PRSS12: variants seen among roughly 807,000 people sequenced by gnomAD.
PRSS12 encodes serine protease 12, also known as neurotrypsin.
PRSS12 carries 85 observed loss-of-function variants against 104.4 expected under a neutral mutation model. The ratio of observed to expected loss-of-function variants is 0.81; its 90% CI spans 0.68 to 0.98. The LOEUF (loss-of-function observed/expected upper bound fraction) is 0.98, where lower values mean the gene tolerates loss of function less well. PRSS12 is among the 50% of genes least tolerant of loss of function. The pLI is 0.00. For synonymous variants in PRSS12, 454 were observed against 425.2 expected (o/e 1.07, Z -0.83); for missense variants, 1,141 against 1,139.2 (o/e 1.00, Z -0.02).
intron 6 of PRSS12, among the ~76,000 whole-genome samples, chr4:118,314,034 T>C (rs992113103): frequency 3.9e-5 from 6 of 152,166 alleles, no homozygotes; most frequent in African/African-American, 1.2e-4. Flanking sequence ...ATAATAAATA[T>C]ATATGCTGCA....
At chr4:118,352,187 G>C (rs1724522615) in intron 1 of PRSS12, 32 bp downstream of exon 1, 13 of 1,609,226 alleles carry the variant, frequency 8.1e-6, no homozygotes, top group Non-Finnish European at 1.1e-5. Flanking sequence ...GAGCCCGTCC[G>C]GAGTTTCCGC....
chr4:118,344,076 C>T (rs1333686355), intron 1 of PRSS12, among the ~76,000 whole-genome samples: 1 of 152,080 alleles, frequency 6.6e-6, no homozygotes, highest in Non-Finnish European at 1.5e-5. Context: ...CTGGCAACAT[C>T]CAGCTAGTGT....
chr4:118,312,048 A>C (rs1743747512), intron 7 of PRSS12, among the ~76,000 whole-genome samples: 1 of 152,214 alleles, frequency 6.6e-6, no homozygotes, highest in Non-Finnish European at 1.5e-5. Flanking sequence ...AACAAAATGA[A>C]AAGAAAGAAA....
rs200318592 is a variant in PRSS12 at position 118,331,811 on chromosome 4, C to T, written c.876G>A (p.Arg292=). The T allele has an allele frequency of 2.3e-4, 371 of 1,614,184 alleles. 1 individual carries two copies. The highest frequency in any genetic ancestry group is 1.1e-5 in the South Asian group (1 of 91,078). The change falls in exon 4 of 13, where the codon CGG becomes CGA. Residue 292 remains arginine, a synonymous_variant. Transcript: ENST00000296498. ...ACTGGCCAGCATGGTAGAGCTCCAC[C>T]CGGCCTTCATGCACACTGCTGCCTC... ...LAGGSSVHEG[R]VELYHAGQWG...
intron 2 of PRSS12, among the ~76,000 whole-genome samples, chr4:118,336,564 T>C (rs3805195): frequency 0.12 from 18,666 of 150,856 alleles, 1,407 homozygotes; most frequent in South Asian, 0.19. Context: ...TGCAATTCCT[T>C]TTTTTTTTAA....
chr4:118,330,665 G>A (rs1180815253), intron 4 of PRSS12, among the ~76,000 whole-genome samples: 1 of 152,094 alleles, frequency 6.6e-6, no homozygotes, highest in Non-Finnish European at 1.5e-5. Flanking sequence ...ATAAGATGAA[G>A]TATTAGACAA....
chr4:118,283,310 A>C (rs956088710), intron 11 of PRSS12, among the ~76,000 whole-genome samples, 199 bp from the exon 12 acceptor site: 1 of 152,108 alleles, frequency 6.6e-6, no homozygotes, highest in African/African-American at 2.4e-5. Context: ...TCTTCATTTC[A>C]TTATGTAATC....
At chr4:118,293,357 AAG>A (rs757792640) in intron 11 of PRSS12, among the ~76,000 whole-genome samples, 53 of 152,224 alleles carry the variant, frequency 3.5e-4, no homozygotes, top group Non-Finnish European at 6.5e-4. Flanking sequence ...GAAAACAAAT[AAG>A]AGAATATCTT....
At chr4:118,319,768 C>A (rs776428315) in intron 4 of PRSS12, among the ~76,000 whole-genome samples, 11 of 152,112 alleles carry the variant, frequency 7.2e-5, no homozygotes, top group Non-Finnish European at 1.3e-4. Flanking sequence ...GTCTTGACCT[C>A]CTGGGCTCCA....
Position 118,282,880 on chromosome 4 carries a change from C to CCT in PRSS12, c.2269_2270dup (p.Pro758GlyfsTer11), listed in dbSNP as rs777563042. 1.2e-6 allele frequency: 2 copies of CCT among 1,614,036 alleles called. No homozygotes were observed. Among genetic ancestry groups the CCT allele is most frequent in the East Asian group, 4.5e-5 (2 of 44,896 alleles). On this transcript the variant is annotated frameshift_variant, in exon 12 of 13. Transcript: ENST00000296498. LOFTEE classifies it high-confidence loss of function. ...AACAGTTGGATGCTGTTTTCTGTGG[C>CCT]CTCTCTCTCCAGAGTGGTAAACAGG...
intron 7 of PRSS12, 138 bp from the exon 8 acceptor site, chr4:118,308,715 G>C: frequency 8.4e-7 from 1 of 1,195,896 alleles, no homozygotes; most frequent in South Asian, 1.3e-5. Context: ...AGAGAGAGGA[G>C]ATATATCAAT....
chr4:118,315,358 T>C (rs1436405991), intron 6 of PRSS12, among the ~76,000 whole-genome samples: 1 of 152,158 alleles, frequency 6.6e-6, no homozygotes, highest in Admixed American at 6.5e-5. Context: ...TTTACATTAC[T>C]TTTATAAATT....
rs141240147 is a variant in PRSS12, at chr4:118,342,206, GA to G, written c.503-3893del. On this transcript the variant is annotated intron_variant, in intron 1 of 12. Coordinates refer to ENST00000296498, the MANE Select transcript of PRSS12 (RefSeq NM_003619.4). The stretch of plus-strand genomic sequence containing the variant: ...GAAAGGAAAATAACCTTAGCTCAAA[GA>G]AATCCGCAAAGCCCAAAGCTAACCA... Among the ~76,000 whole-genome samples, 250 of 152,308 alleles carry G rather than the reference GA, an allele frequency of 1.6e-3. 1 individual carries two copies. The highest frequency in any genetic ancestry group is 5.6e-3 in the African/African-American group (231 of 41,576).
chr4:118,289,590 A>G (rs1743086523), intron 11 of PRSS12, among the ~76,000 whole-genome samples: 1 of 152,184 alleles, frequency 6.6e-6, no homozygotes, highest in African/African-American at 2.4e-5. Flanking sequence ...AGTGTTTCTG[A>G]TGATGAAAGG....
chr4:118,298,747 C>G lies in PRSS12; in HGVS notation c.1823G>C (p.Gly608Ala). 1 of 1,614,202 alleles carries G rather than the reference C, an allele frequency of 6.2e-7. No homozygotes were observed. ...AGGTGACTTACCTTTATTACTGTTACCTGAGGCCTTCTTGCCAAAATAATC... is the reference window on the plus strand; with the variant it reads ...AGGTGACTTACCTTTATTACTGTTAGCTGAGGCCTTCTTGCCAAAATAATC... Reference protein sequence around the residue: ...ICDYFGKKASGNSNKESLSSV... With the variant: ...ICDYFGKKASANSNKESLSSV... The change falls in exon 9 of 13, where the codon GGT becomes GCT. Residue 608 changes from glycine to alanine, a missense_variant. Coordinates refer to ENST00000296498, the MANE Select transcript of PRSS12 (RefSeq NM_003619.4).
intron 4 of PRSS12, among the ~76,000 whole-genome samples, chr4:118,323,865 A>G (rs1357017952): frequency 1.3e-5 from 2 of 151,946 alleles, no homozygotes; most frequent in East Asian, 3.9e-4. Context: ...GTTTACTTAT[A>G]TAAATATGTG....
chr4:118,348,733 C>T (rs781161038), intron 1 of PRSS12, among the ~76,000 whole-genome samples: 3 of 151,148 alleles, frequency 2.0e-5, no homozygotes, highest in Non-Finnish European at 2.9e-5. Context: ...CTCACTACAA[C>T]CTCTGCCTCC....
chr4:118,337,156 C>A (rs553111358), intron 2 of PRSS12, among the ~76,000 whole-genome samples: 1 of 152,276 alleles, frequency 6.6e-6, no homozygotes, highest in Admixed American at 6.5e-5. Flanking sequence ...CAAGAGAAAT[C>A]TGGTAAATTA....
intron 11 of PRSS12, among the ~76,000 whole-genome samples, chr4:118,284,669 T>C (rs1215965934): frequency 6.6e-6 from 1 of 152,202 alleles, no homozygotes; most frequent in Non-Finnish European, 1.5e-5. Context: ...TATTTTTTCA[T>C]TTTAGTCTTT....
Sources: allele counts gnomAD v4.1 joint callset (sites outside exome capture counted in the v4.1 genomes callset), GRCh38; gene constraint gnomAD v4.1.1; transcripts MANE v1.5; gene names NCBI Gene and HGNC (gene_info 2026-07-23, HGNC 2026-07-21).